Variants in AVPI1 observed in about 807,000 individuals in gnomAD.
The protein encoded by AVPI1 is arginine vasopressin induced 1.
A neutral mutation model predicts 11.9 loss-of-function variants in AVPI1; 9 were observed. The ratio of observed to expected loss-of-function variants is 0.76; its 90% CI spans 0.46 to 1.32. AVPI1 has a LOEUF of 1.32. Among genes scored for constraint, AVPI1 ranks in the 40% most tolerant of loss-of-function variants. The probability of loss-of-function intolerance (pLI) is 0.00; values close to 1 mark genes in which losing one functional copy is unlikely to be tolerated. For missense variants in AVPI1, 207 were observed against 195.8 expected (o/e 1.06, Z -0.34); for synonymous variants, 68 against 78.1 (o/e 0.87, Z 0.68).
intron 1 of AVPI1, among the ~76,000 whole-genome samples, chr10:97,683,468 T>C (rs2135772704): frequency 6.6e-6 from 1 of 152,326 alleles, no homozygotes; most frequent in East Asian, 1.9e-4. Flanking sequence ...CAGCCCACGC[T>C]TTTAAACCCC....
chr10:97,679,960 T>C, intron 1 of AVPI1, 45 bp from the exon 2 acceptor site: 1 of 1,473,338 alleles, frequency 6.8e-7, no homozygotes, highest in Non-Finnish European at 9.0e-7. Flanking sequence ...AGCTGGTCCT[T>C]CCCAGACCTG....
In AVPI1 at chr10:97,685,855, G is replaced by C. The variant is rs536593817; in HGVS notation, c.-11+911C>G. ...TTTCCCCAGACCAGTTCTCATATAT[G>C]ACCTGGAAATAAACTGCTACTAGAT... On this transcript the variant is annotated intron_variant, in intron 1 of 2. Transcript: ENST00000370626. Among the ~76,000 whole-genome samples the C allele has an allele frequency of 2.6e-5, 4 of 152,172 alleles. No individual in the cohort carries two copies. In the South Asian group the frequency reaches 8.3e-4, roughly 32 times the overall value.
chr10:97,681,064 A>G (rs1318452450), intron 1 of AVPI1, among the ~76,000 whole-genome samples: 1 of 152,170 alleles, frequency 6.6e-6, no homozygotes, highest in Non-Finnish European at 1.5e-5. Context: ...GAAACAAGGG[A>G]AGCCTGGCAT....
chr10:97,683,967 A>C (rs1432661962), intron 1 of AVPI1, among the ~76,000 whole-genome samples: 1 of 151,948 alleles, frequency 6.6e-6, no homozygotes, highest in Non-Finnish European at 1.5e-5. Context: ...GTAAGTCTGT[A>C]CAGAAGGAGG....
intron 1 of AVPI1, among the ~76,000 whole-genome samples, chr10:97,686,329 A>T (rs2041728693): frequency 1.3e-5 from 2 of 152,204 alleles, no homozygotes; most frequent in East Asian, 3.9e-4. Flanking sequence ...CACAGCCATC[A>T]ACAAATCTGT....
At chr10:97,680,512 TGTG>T (rs1156956977) in intron 1 of AVPI1, among the ~76,000 whole-genome samples, 9 of 152,270 alleles carry the variant, frequency 5.9e-5, no homozygotes, top group Non-Finnish European at 4.4e-5. Context: ...AGAGAGGAGT[TGTG>T]GAGCTGGGCT....
chr10:97,686,066 T>C (rs768028936), intron 1 of AVPI1, among the ~76,000 whole-genome samples: 3 of 152,168 alleles, frequency 2.0e-5, no homozygotes, highest in Non-Finnish European at 4.4e-5. Context: ...GAGGATTGCT[T>C]GAGCCCAGGA....
Position 97,677,781 on chromosome 10 carries a change from G to A in AVPI1, c.*88C>T, listed in dbSNP as rs2041673215. On this transcript the variant is annotated 3_prime_UTR_variant, in exon 3 of 3. Transcript: ENST00000370626. ...CCTCTTGCTTTCATTTACCCCTTTG[G>A]GCTGCTTGCCTAAAGTCTCTCTTCC... 1 of 1,529,842 alleles carries A rather than the reference G, an allele frequency of 6.5e-7. No homozygotes were observed. Among genetic ancestry groups the A allele is most frequent in the Non-Finnish European group, 8.9e-7 (1 of 1,122,974 alleles). 94.8% of individuals were successfully genotyped at this position (1,529,842 alleles called of 1,614,324 possible).
Position 97,679,458 on chromosome 10 carries a change from G to A in AVPI1, c.287+161C>T, listed in dbSNP as rs141287636. 1.0e-3 allele frequency among the ~76,000 whole-genome samples: 158 copies of A among 152,242 alleles called. 1 individual carries two copies. Among genetic ancestry groups the A allele is most frequent in the African/African-American group, 3.7e-3 (153 of 41,552 alleles). ...GCACCCACCAACAGCAATCTCTTAA[G>A]TGCCAACCAAGTGGTGACACTGTGT... On this transcript the variant is annotated intron_variant, in intron 2 of 2. Coordinates refer to ENST00000370626, the MANE Select transcript of AVPI1 (RefSeq NM_021732.3).
intron 2 of AVPI1, among the ~76,000 whole-genome samples, chr10:97,678,915 G>GACAGGA: frequency 2.1e-4 from 2 of 9,640 alleles, no homozygotes; most frequent in Non-Finnish European, 5.2e-4. Context: ...GTGTGTGTGT[G>GACAGGA]TGTGTGTGTG....
intron 1 of AVPI1, among the ~76,000 whole-genome samples, chr10:97,686,277 T>A (rs1030961006): frequency 1.2e-4 from 18 of 152,216 alleles, no homozygotes; most frequent in Admixed American, 7.2e-4. Flanking sequence ...GGAAAGGCTG[T>A]TTGACTACCA....
At chr10:97,679,206 G>A (rs534813594) in intron 2 of AVPI1, among the ~76,000 whole-genome samples, 21 of 148,392 alleles carry the variant, frequency 1.4e-4, no homozygotes, top group East Asian at 2.0e-4. Flanking sequence ...GTGCGGTGGC[G>A]TCATCTCAGC....
intron 1 of AVPI1, among the ~76,000 whole-genome samples, chr10:97,683,175 G>C (rs1220165843): frequency 6.6e-6 from 1 of 150,826 alleles, no homozygotes; most frequent in African/African-American, 2.4e-5. Flanking sequence ...TTTTTTTTTT[G>C]AGAGTGAGTT....
At chr10:97,685,326 T>C (rs1025482997) in intron 1 of AVPI1, among the ~76,000 whole-genome samples, 2 of 152,188 alleles carry the variant, frequency 1.3e-5, no homozygotes, top group Non-Finnish European at 1.5e-5. Flanking sequence ...ATTTAAAAAG[T>C]GACTCACCAT....
intron 2 of AVPI1, among the ~76,000 whole-genome samples, chr10:97,678,925 G>C (rs2041683888): frequency 9.7e-5 from 2 of 20,604 alleles, no homozygotes; most frequent in African/African-American, 3.6e-4. Flanking sequence ...GTGTGTGTGT[G>C]TGTGTGTGTG....
At chr10:97,686,480 G>A (rs1328672408) in intron 1 of AVPI1, among the ~76,000 whole-genome samples, 1 of 152,278 alleles carries the variant, frequency 6.6e-6, no homozygotes, top group East Asian at 1.9e-4. Context: ...TTTTACAGAT[G>A]AGAAAGCTAC....
chr10:97,678,625 G>A (rs1471767590), intron 2 of AVPI1, among the ~76,000 whole-genome samples: 2 of 151,062 alleles, frequency 1.3e-5, no homozygotes, highest in East Asian at 1.9e-4. Context: ...ATAATGCCTC[G>A]ACAGTACATT....
rs2135770360 is a variant in AVPI1, at chr10:97,679,790, A to C, written c.116T>G (p.Ile39Ser). The C allele has an allele frequency of 1.2e-6, 2 of 1,613,844 alleles. No homozygotes were observed. Among genetic ancestry groups the C allele is most frequent in the Non-Finnish European group, 1.7e-6 (2 of 1,179,992 alleles). ...NIFQDAELLQ[I>S]QALFQRSGDQ... ...CCCGCTGCGTTGAAACAGGGCTTGG[A>C]TCTGCAGCAGCTCGGCGTCCTGGAA... is the stretch of plus-strand genomic sequence containing the variant. Residue 39 changes from isoleucine (I) to serine (S), a missense_variant, in exon 2 of 3, where the codon ATC becomes AGC. Transcript: ENST00000370626.
chr10:97,682,156 C>T (rs139683888), intron 1 of AVPI1, among the ~76,000 whole-genome samples: 199 of 152,322 alleles, frequency 1.3e-3, no homozygotes, highest in African/African-American at 3.9e-3. Context: ...AAATCCTCCT[C>T]TGTTGGCCTC....
Sources: allele counts gnomAD v4.1 joint callset (sites outside exome capture counted in the v4.1 genomes callset), GRCh38; gene constraint gnomAD v4.1.1; transcripts MANE v1.5; gene names NCBI Gene and HGNC (gene_info 2026-07-23, HGNC 2026-07-21).